Variants in GSE1 observed in about 807,000 individuals in gnomAD.
The protein encoded by GSE1 is genetic suppressor element 1.
A neutral mutation model predicts 112.6 loss-of-function variants in GSE1; 32 were observed. That is an observed-to-expected ratio of 0.28 (90% confidence interval 0.21 to 0.38). The LOEUF (loss-of-function observed/expected upper bound fraction) is 0.38. GSE1 is among the 10% of genes least tolerant of loss of function. GSE1 has a pLI of 1.00. For synonymous variants in GSE1, 1,115 were observed against 735.6 expected, an observed-to-expected ratio of 1.52 and a Z score of -8.35; for missense variants, 2,348 against 1,699.2, an observed-to-expected ratio of 1.38 and a Z score of -6.71.
At chr16:85,266,234 G>A (rs879596901) in intron 1 of GSE1, among the ~76,000 whole-genome samples, 6 of 152,156 alleles carry the variant, frequency 3.9e-5, no homozygotes, top group African/African-American at 9.7e-5. Flanking sequence ...TTCCAGCTCC[G>A]GGCGAGACTG....
intron 2 of GSE1, among the ~76,000 whole-genome samples, chr16:85,445,919 T>A (rs912415953): frequency 1.3e-5 from 2 of 152,312 alleles, no homozygotes; most frequent in South Asian, 2.1e-4. Context: ...TGTCCTAACC[T>A]CTCTGTGCTG....
At chr16:85,658,876 C>T (rs1470951651) in intron 8 of GSE1, among the ~76,000 whole-genome samples, 1 of 152,234 alleles carries the variant, frequency 6.6e-6, no homozygotes, top group Non-Finnish European at 1.5e-5. Context: ...TGCTTCCAGC[C>T]AGTGTAGCTG....
intron 2 of GSE1, among the ~76,000 whole-genome samples, chr16:85,519,570 CCATCACCAGTCTCCAT>C (rs2052092347): frequency 1.2e-3 from 42 of 34,792 alleles, no homozygotes; most frequent in Non-Finnish European, 2.0e-3. Flanking sequence ...ATCATCATCA[CCATCACCAGTCTCCAT>C]CATCATCACC....
chr16:85,486,987 A>G (rs1321849864), intron 2 of GSE1, among the ~76,000 whole-genome samples: 1 of 152,092 alleles, frequency 6.6e-6, no homozygotes, highest in Non-Finnish European at 1.5e-5. Context: ...TAGGCACCCC[A>G]GGGACTTGGG....
rs555149209 is a variant in GSE1, at chr16:85,645,107, C to T, written c.227-3445C>T. The stretch of plus-strand genomic sequence containing the variant: ...TCCTCAGGTGGATCTAGTAGCCCGC[C>T]GGCACAGTGCCCAGTCCCAGGTGTT... On this transcript the variant is annotated intron_variant, in intron 2 of 15. Coordinates refer to ENST00000253458, the MANE Select transcript of GSE1 (RefSeq NM_014615.5). 6.0e-5 allele frequency among the ~76,000 whole-genome samples: 9 copies of T among 151,120 alleles called. No homozygotes were observed. In the East Asian group the frequency reaches 7.8e-4, roughly 13 times the overall value.
At chr16:85,628,911 C>T (rs1598442930) in intron 1 of GSE1, among the ~76,000 whole-genome samples, 1 of 152,214 alleles carries the variant, frequency 6.6e-6, no homozygotes, top group African/African-American at 2.4e-5. Context: ...CTCCGAATCT[C>T]ATGTGGAAAT....
chr16:85,380,078 C>T (rs4783178), intron 2 of GSE1, among the ~76,000 whole-genome samples: 135,371 of 152,226 alleles, frequency 0.89, 60,358 homozygotes, highest in Middle Eastern at 0.95. Flanking sequence ...TTCTGATGGG[C>T]TAAAAGGGTC....
chr16:85,648,287 C>T (rs1311828304), intron 2 of GSE1, among the ~76,000 whole-genome samples: 2 of 152,178 alleles, frequency 1.3e-5, no homozygotes, highest in Non-Finnish European at 2.9e-5. Context: ...GGCACCAGAG[C>T]ATCTGTGCTT....
chr16:85,514,397 T>A (rs2051850780), intron 2 of GSE1, among the ~76,000 whole-genome samples: 1 of 133,692 alleles, frequency 7.5e-6, no homozygotes, highest in Non-Finnish European at 1.6e-5. Context: ...CTCTGAGTCC[T>A]GCCCCCAGGA....
At chr16:85,438,809 G>C (rs2049310196) in intron 2 of GSE1, among the ~76,000 whole-genome samples, 1 of 152,208 alleles carries the variant, frequency 6.6e-6, no homozygotes, top group Non-Finnish European at 1.5e-5. Context: ...CTCAGCTGTG[G>C]CTGGCAGAGC....
chr16:85,568,007 G>T (rs557306414), intron 1 of GSE1, among the ~76,000 whole-genome samples: 1 of 152,128 alleles, frequency 6.6e-6, no homozygotes, highest in Non-Finnish European at 1.5e-5. Context: ...TTACAGACAC[G>T]AGCCACTGTG....
chr16:85,613,128 C>A, upstream of GSE1: 1 of 1,195,792 alleles, frequency 8.4e-7, no homozygotes, highest in Non-Finnish European at 1.1e-6. Flanking sequence ...GTGTTTGCGG[C>A]TGAAACCCGA....
chr16:85,343,812 A>G, intron 1 of GSE1, among the ~76,000 whole-genome samples: 2 of 152,322 alleles, frequency 1.3e-5, no homozygotes, highest in Admixed American at 1.3e-4. Flanking sequence ...CGGAACATCC[A>G]GCAGGCTCCC....
chr16:85,404,980 A>G lies in GSE1; in HGVS notation c.2464+47337A>G, dbSNP rs1332995263. ...GGCCCCCCGGATAATCCTCACTGTT[A>G]CACTCAGGGCCCCCCTGGATAATCC... On this transcript the variant is annotated intron_variant, in intron 2 of 2. Coordinates refer to the GSE1 transcript ENST00000637419. Among the ~76,000 whole-genome samples the G allele has an allele frequency of 6.1e-4, 12 of 19,704 alleles. No homozygotes were observed. In the East Asian group the frequency reaches 6.5e-3, roughly 11 times the overall value. The allele number at this position is 19,704 out of a possible 152,430, so 12.9% of individuals were successfully genotyped here.
chr16:85,188,853 CCAT>C (rs2074764172), intron 1 of GSE1, among the ~76,000 whole-genome samples: 1 of 151,746 alleles, frequency 6.6e-6, no homozygotes, highest in Non-Finnish European at 1.5e-5. Context: ...TTACAAAGAT[CCAT>C]CATCCTCATC....
chr16:85,216,803 T>C (rs2143707934), intron 1 of GSE1, among the ~76,000 whole-genome samples: 1 of 152,348 alleles, frequency 6.6e-6, no homozygotes, highest in Non-Finnish European at 1.5e-5. Flanking sequence ...GGGCTGTCCC[T>C]GGAAAGATAT....
chr16:85,291,728 G>A (rs2045219026), intron 1 of GSE1, among the ~76,000 whole-genome samples: 1 of 152,328 alleles, frequency 6.6e-6, no homozygotes, highest in East Asian at 1.9e-4. Flanking sequence ...GGTTAGGGGT[G>A]AAGGTCAGGC....
chr16:85,521,182 T>C (rs2052173137), intron 2 of GSE1, among the ~76,000 whole-genome samples: 2 of 152,196 alleles, frequency 1.3e-5, no homozygotes, highest in Admixed American at 6.5e-5. Flanking sequence ...CCGCTGATAC[T>C]TGATGTGGTC....
intron 1 of GSE1, among the ~76,000 whole-genome samples, chr16:85,562,685 G>A (rs554310175): frequency 7.2e-5 from 11 of 152,356 alleles, no homozygotes; most frequent in African/African-American, 1.4e-4. Context: ...GGTGCTCCGT[G>A]TCGCTTGCCC....
Sources: gnomAD v4.1 joint callset for allele counts (sites outside exome capture counted in the v4.1 genomes callset) on GRCh38, gnomAD v4.1.1 for gene constraint, MANE v1.5 for transcripts, NCBI Gene and HGNC (gene_info 2026-07-23, HGNC 2026-07-21) for gene names.